CADPS2: variants seen among roughly 807,000 people sequenced by gnomAD.
The protein encoded by CADPS2 is calcium dependent secretion activator 2.
A neutral mutation model predicts 172.5 loss-of-function variants in CADPS2; 93 were observed. The ratio of observed to expected loss-of-function variants is 0.54; its 90% confidence interval spans 0.46 to 0.64. CADPS2 has a LOEUF of 0.64. CADPS2 is among the 30% of genes least tolerant of loss of function. CADPS2 has a pLI of 0.00. For synonymous variants in CADPS2, 546 were observed against 555.2 expected (o/e 0.98, Z 0.23); for missense variants, 1,420 against 1,565.9 (o/e 0.91, Z 1.57).
chr7:122,335,169 T>C (rs556679960), intron 28 of CADPS2, among the ~76,000 whole-genome samples: 6 of 152,364 alleles, frequency 3.9e-5, no homozygotes, highest in African/African-American at 1.4e-4. Context: ...AAAACACCAA[T>C]GAAATGGATA....
chr7:122,505,770 G>A (rs1393750227), intron 9 of CADPS2, among the ~76,000 whole-genome samples: 1 of 152,050 alleles, frequency 6.6e-6, no homozygotes, highest in Non-Finnish European at 1.5e-5. Flanking sequence ...CTATCTTTTG[G>A]GCTCACTGAT....
intron 1 of CADPS2, among the ~76,000 whole-genome samples, chr7:122,821,199 T>G (rs1803166691): frequency 6.6e-6 from 1 of 152,024 alleles, no homozygotes; most frequent in Non-Finnish European, 1.5e-5. Context: ...ATTTGCTTCT[T>G]TCCTGTTCCT....
chr7:122,681,761 A>C, intron 2 of CADPS2: 1 of 535,306 alleles, frequency 1.9e-6, no homozygotes, highest in Non-Finnish European at 3.2e-6. Context: ...AAAGAAAAAA[A>C]ACAACATCTA....
intron 2 of CADPS2, among the ~76,000 whole-genome samples, 170 bp from the exon 3 acceptor site, chr7:122,663,739 G>A (rs2080868096): frequency 6.6e-6 from 1 of 152,120 alleles, no homozygotes; most frequent in African/African-American, 2.4e-5. Flanking sequence ...TCATAATGTT[G>A]GCCCCAAATC....
chr7:122,784,187 T>A (rs1589182501), intron 1 of CADPS2, among the ~76,000 whole-genome samples: 2 of 152,360 alleles, frequency 1.3e-5, no homozygotes, highest in African/African-American at 4.8e-5. Context: ...CTCAGTTTTT[T>A]AAAATATTGT....
intron 2 of CADPS2, among the ~76,000 whole-genome samples, chr7:122,695,349 A>G (rs2084933497): frequency 6.6e-6 from 1 of 152,258 alleles, no homozygotes; most frequent in Non-Finnish European, 1.5e-5. Context: ...CCATGTCATT[A>G]TGACAAGATA....
chr7:122,775,187 A>G (rs1036606393), intron 1 of CADPS2, among the ~76,000 whole-genome samples: 1 of 152,228 alleles, frequency 6.6e-6, no homozygotes, highest in Non-Finnish European at 1.5e-5. Flanking sequence ...CAAACAGTGC[A>G]GCACAATGTT....
intron 1 of CADPS2, among the ~76,000 whole-genome samples, chr7:122,782,944 T>C (rs1793115253): frequency 6.6e-6 from 1 of 152,160 alleles, no homozygotes; most frequent in Non-Finnish European, 1.5e-5. Context: ...TTTCCCAGTA[T>C]TATTTATATG....
chr7:122,755,250 C>G (rs1239618279), intron 1 of CADPS2, among the ~76,000 whole-genome samples: 2 of 152,120 alleles, frequency 1.3e-5, no homozygotes, highest in Non-Finnish European at 2.9e-5. Flanking sequence ...AGGTACCAAG[C>G]AAACCATGCT....
intron 2 of CADPS2, 28 bp from the exon 3 acceptor site, chr7:122,663,597 CA>C (rs760541025): frequency 6.6e-7 from 1 of 1,509,038 alleles, no homozygotes; most frequent in Non-Finnish European, 8.9e-7. Flanking sequence ...CAAAACAAAA[CA>C]AAAAACAATT....
chr7:122,333,196 T>C (rs2035281179), intron 28 of CADPS2, among the ~76,000 whole-genome samples: 1 of 152,208 alleles, frequency 6.6e-6, no homozygotes, highest in African/African-American at 2.4e-5. Context: ...GAACATAGTA[T>C]ATAAAATTCT....
At chr7:122,671,071 G>A (rs1277532691) in intron 2 of CADPS2, among the ~76,000 whole-genome samples, 1 of 152,006 alleles carries the variant, frequency 6.6e-6, no homozygotes, top group Non-Finnish European at 1.5e-5. Context: ...AGTTACCCAG[G>A]CTTGGCTAGA....
intron 2 of CADPS2, among the ~76,000 whole-genome samples, chr7:122,688,011 G>T (rs2083853679): frequency 6.6e-6 from 1 of 152,110 alleles, no homozygotes; most frequent in Admixed American, 6.5e-5. Context: ...TTCAAAATCT[G>T]TACTCTTCTA....
chr7:122,754,546 G>A (rs769646790), intron 1 of CADPS2, among the ~76,000 whole-genome samples: 4 of 151,944 alleles, frequency 2.6e-5, no homozygotes, highest in Non-Finnish European at 5.9e-5. Context: ...GCACAATCTC[G>A]GCTCACTGCA....
intron 2 of CADPS2, chr7:122,697,805 C>T (rs1392231684): frequency 6.3e-7 from 1 of 1,583,408 alleles, no homozygotes; most frequent in Non-Finnish European, 8.6e-7. Flanking sequence ...GAAGGATGAA[C>T]ATCTTCCACT....
At chr7:122,406,164 T>A (rs1053575171) in intron 20 of CADPS2, among the ~76,000 whole-genome samples, 1 of 152,114 alleles carries the variant, frequency 6.6e-6, no homozygotes, top group African/African-American at 2.4e-5. Context: ...TCTATGTGAT[T>A]TCCCCCCCAC....
intron 14 of CADPS2, among the ~76,000 whole-genome samples, chr7:122,464,844 A>T (rs183783007): frequency 2.6e-5 from 4 of 152,324 alleles, no homozygotes; most frequent in South Asian, 2.1e-4. Flanking sequence ...AGAAAAAAGG[A>T]CATTAATTTA....
At chr7:122,584,778 A>G (rs2069390286) in intron 6 of CADPS2, among the ~76,000 whole-genome samples, 1 of 151,978 alleles carries the variant, frequency 6.6e-6, no homozygotes, top group Non-Finnish European at 1.5e-5. Flanking sequence ...TACAGGTGTG[A>G]TTTAGAATTT....
intron 1 of CADPS2, among the ~76,000 whole-genome samples, chr7:122,829,721 T>C (rs1247657176): frequency 6.6e-6 from 1 of 151,676 alleles, no homozygotes; most frequent in Non-Finnish European, 1.5e-5. Flanking sequence ...ATTTGAAAGG[T>C]GTCTTTTAAG....
Sources: allele counts gnomAD v4.1 joint callset (sites outside exome capture counted in the v4.1 genomes callset), GRCh38; gene constraint gnomAD v4.1.1; transcripts MANE v1.5; gene names NCBI Gene and HGNC (gene_info 2026-07-23, HGNC 2026-07-21).